The following MYO1E variants were observed in gnomAD, a reference collection of about 807,000 sequenced individuals.
MYO1E encodes the protein myosin IE, also known as unconventional myosin-Ie.
In MYO1E, 68 loss-of-function variants were observed where a neutral mutation model predicts 151.1. The observed-to-expected ratio is 0.45, with a 90% CI of 0.37 to 0.55. The LOEUF is 0.55. MYO1E is among the 20% of genes least tolerant of loss of function. MYO1E has a pLI of 0.00. For synonymous variants in MYO1E, 601 were observed against 501.7 expected (o/e 1.20, Z -2.64); for missense variants, 1,363 against 1,389.3 (o/e 0.98, Z 0.30).
Position 59,234,238 on chromosome 15 carries a change from A to T in MYO1E, c.420+2347T>A, listed in dbSNP as rs1441980680. On this transcript the variant is annotated intron_variant, in intron 5 of 27. Transcript: ENST00000288235. ...GATGGATGGATGGATGGATGGATGG[A>T]TGGATGGGTGCATGGATGGATGGGT... 2.8e-5 allele frequency among the ~76,000 whole-genome samples: 4 copies of T among 140,824 alleles called. No homozygotes were observed. In the East Asian group the frequency reaches 7.9e-4, roughly 28 times the overall value. The allele number at this position is 140,824 out of a possible 152,430, so 92.4% of individuals were successfully genotyped here.
chr15:59,364,290 T>C (rs558490925), intron 1 of MYO1E, among the ~76,000 whole-genome samples: 110 of 152,282 alleles, frequency 7.2e-4, no homozygotes, highest in African/African-American at 2.5e-3. Context: ...GTAGGTACCT[T>C]TGGGCTAGAA....
intron 17 of MYO1E, among the ~76,000 whole-genome samples, chr15:59,189,573 C>CT (rs2079720706): frequency 6.6e-6 from 1 of 151,936 alleles, no homozygotes; most frequent in African/African-American, 2.4e-5. Context: ...GGCAAACTTT[C>CT]TTTCTTTTCT....
chr15:59,244,294 G>A (rs1226402920), intron 4 of MYO1E, among the ~76,000 whole-genome samples: 1 of 152,216 alleles, frequency 6.6e-6, no homozygotes, highest in Non-Finnish European at 1.5e-5. Flanking sequence ...ACCCAATGTT[G>A]AGTATGAAGA....
intron 1 of MYO1E, among the ~76,000 whole-genome samples, chr15:59,310,377 AG>A (rs2080543544): frequency 6.6e-6 from 1 of 152,274 alleles, no homozygotes; most frequent in African/African-American, 2.4e-5. Context: ...CTTTGCGGAT[AG>A]AATCAAGTTA....
chr15:59,143,595 T>A (rs2079423830), intron 26 of MYO1E, among the ~76,000 whole-genome samples: 1 of 152,162 alleles, frequency 6.6e-6, no homozygotes, highest in Non-Finnish European at 1.5e-5. Context: ...GGTAGCTGTG[T>A]GAAGTCTGGA....
At chr15:59,211,361 C>T (rs1336720858) in intron 12 of MYO1E, among the ~76,000 whole-genome samples, 2 of 152,076 alleles carry the variant, frequency 1.3e-5, no homozygotes, top group Admixed American at 1.3e-4. Flanking sequence ...TGTCAGCTTC[C>T]TTTGCCAGGT....
rs145026011 is a variant in MYO1E at position 59,174,603 on chromosome 15, G to A, written c.2050-363C>T. Among the ~76,000 whole-genome samples the A allele has an allele frequency of 1.9e-3, 292 of 152,274 alleles. 3 individuals carry two copies. Among genetic ancestry groups the A allele is most frequent in the African/African-American group, 4.4e-3 (183 of 41,578 alleles). ...GTGTATTATTAGGAAGTCAGATCAA[G>A]TGAGTGGGTGGAGGCTGTTGCTGTT... On this transcript the variant is annotated intron_variant, in intron 19 of 27. Coordinates refer to ENST00000288235, the MANE Select transcript of MYO1E (RefSeq NM_004998.4).
chr15:59,173,629 C>G, intron 21 of MYO1E, 117 bp downstream of exon 21: 1 of 1,322,036 alleles, frequency 7.6e-7, no homozygotes. Context: ...TGTATTTTCT[C>G]TAAATTTTTC....
At chr15:59,156,311 A>G (rs1378694962) in intron 25 of MYO1E, among the ~76,000 whole-genome samples, 1 of 152,116 alleles carries the variant, frequency 6.6e-6, no homozygotes, top group South Asian at 2.1e-4. Context: ...CATCCTCCCC[A>G]GTAGCTGGGA....
intron 1 of MYO1E, chr15:59,348,951 A>T (rs2080809101): frequency 6.6e-6 from 1 of 152,220 alleles, no homozygotes; most frequent in Admixed American, 6.5e-5. Flanking sequence ...TCTTAATGAG[A>T]CACAAAAGCT....
intron 1 of MYO1E, among the ~76,000 whole-genome samples, chr15:59,314,515 G>A (rs1038033810): frequency 6.6e-6 from 1 of 152,170 alleles, no homozygotes; most frequent in East Asian, 1.9e-4. Flanking sequence ...ACAGGAGAAG[G>A]CCTCTGACCC....
In MYO1E at chr15:59,363,709, G is replaced by A. The variant is rs576328023; in HGVS notation, c.3+8789C>T. Among the ~76,000 whole-genome samples, 153 of 152,166 alleles carry A rather than the reference G, an allele frequency of 1.0e-3. 1 individual carries two copies. The highest frequency in any genetic ancestry group is 1.9e-3 in the Non-Finnish European group (129 of 68,032). ...TGGTGCTAGAATGAAATGAAATCATGTATATGGAAGCCTTTTGTTATCATT... is the reference window on the plus strand; with the variant it reads ...TGGTGCTAGAATGAAATGAAATCATATATATGGAAGCCTTTTGTTATCATT... On this transcript the variant is annotated intron_variant, in intron 1 of 27. Coordinates refer to ENST00000288235, the MANE Select transcript of MYO1E (RefSeq NM_004998.4).
chr15:59,328,452 C>G (rs1475323221), intron 1 of MYO1E, among the ~76,000 whole-genome samples: 2 of 151,956 alleles, frequency 1.3e-5, no homozygotes, highest in Non-Finnish European at 2.9e-5. Context: ...ACGCTTGGTA[C>G]TGGGAGAGGG....
intron 6 of MYO1E, among the ~76,000 whole-genome samples, chr15:59,230,202 G>A (rs989401734): frequency 1.1e-4 from 14 of 133,254 alleles, no homozygotes; most frequent in Admixed American, 4.3e-4. Context: ...TGAATAGTGA[G>A]AGAGAGAGAG....
intron 22 of MYO1E, chr15:59,171,355 AGGC>A: frequency 1.8e-5 from 3 of 167,172 alleles, no homozygotes; most frequent in Non-Finnish European, 3.9e-5. Context: ...GCCCTTCCTG[AGGC>A]CTTGTGGAAG....
At position 59,196,222 on chromosome 15, in the gene MYO1E, C is replaced by A. The variant is rs549067642; in HGVS notation, c.1699-655G>T. On this transcript the variant is annotated intron_variant, in intron 16 of 27. Transcript: ENST00000288235. The stretch of plus-strand genomic sequence containing the variant: ...CTGTGGCTGCCAACTTACTTCTTTG[C>A]AAATCTAGAATATTCTATATAAAAC... Among the ~76,000 whole-genome samples the A allele has an allele frequency of 1.9e-4, 29 of 152,270 alleles. No individual in the cohort carries two copies. In the South Asian group the frequency reaches 3.7e-3, roughly 20 times the overall value.
chr15:59,232,720 C>G (rs2080035786), intron 5 of MYO1E, among the ~76,000 whole-genome samples: 1 of 152,142 alleles, frequency 6.6e-6, no homozygotes, highest in African/African-American at 2.4e-5. Context: ...TATCATTGTC[C>G]TCATAGGAAA....
chr15:59,156,101 A>G (rs1053335247), intron 25 of MYO1E, among the ~76,000 whole-genome samples: 2 of 152,166 alleles, frequency 1.3e-5, no homozygotes, highest in African/African-American at 4.8e-5. Context: ...TAGCCACCTC[A>G]GCCTCCCACT....
At chr15:59,307,055 A>C (rs1426974806) in intron 1 of MYO1E, among the ~76,000 whole-genome samples, 1 of 152,230 alleles carries the variant, frequency 6.6e-6, no homozygotes, top group Non-Finnish European at 1.5e-5. Flanking sequence ...AGGCACTGGG[A>C]AAGTCTTCCT....
Sources: allele counts gnomAD v4.1 joint callset (sites outside exome capture counted in the v4.1 genomes callset), GRCh38; gene constraint gnomAD v4.1.1; transcripts MANE v1.5; gene names NCBI Gene and HGNC (gene_info 2026-07-23, HGNC 2026-07-21).